Variants in SGK3 observed in about 807,000 individuals in gnomAD.
SGK3 encodes the protein serum/glucocorticoid regulated kinase family member 3.
SGK3 carries 47 observed loss-of-function variants against 68.5 expected under a neutral mutation model. The observed-to-expected ratio is 0.69, with a 90% CI of 0.54 to 0.87. The LOEUF is 0.87. Ranked by LOEUF, SGK3 falls within the 40% of genes least tolerant of loss-of-function variation. SGK3 has a pLI of 0.00. For synonymous variants in SGK3, 181 were observed against 189.1 expected, an observed-to-expected ratio of 0.96 and a Z score of 0.35; for missense variants, 479 against 575.5, an observed-to-expected ratio of 0.83 and a Z score of 1.72.
chr8:66,798,457 T>C, intron 2 of SGK3, 85 bp from the exon 3 acceptor site: 2 of 1,199,554 alleles, frequency 1.7e-6, no homozygotes, highest in Non-Finnish European at 2.3e-6. Context: ...AAAAAAAAAA[T>C]TAAAACAGGT....
chr8:66,794,035 T>C (rs1169032832), intron 2 of SGK3, among the ~76,000 whole-genome samples: 1 of 152,226 alleles, frequency 6.6e-6, no homozygotes, highest in Non-Finnish European at 1.5e-5. Flanking sequence ...TCTCTTTACT[T>C]ATCTTCTTGG....
At chr8:66,763,056 C>T (rs765933218) in intron 1 of SGK3, among the ~76,000 whole-genome samples, 18 of 152,214 alleles carry the variant, frequency 1.2e-4, no homozygotes, top group Non-Finnish European at 2.5e-4. Context: ...TTAATTAATT[C>T]ATTGCAAAAT....
intron 1 of SGK3, among the ~76,000 whole-genome samples, chr8:66,741,482 G>A (rs529197814): frequency 6.6e-6 from 1 of 152,188 alleles, no homozygotes; most frequent in South Asian, 2.1e-4. Context: ...CCTGGGAGGT[G>A]GAGGTTGCAG....
At chr8:66,765,158 CA>C (rs1315481338) in intron 1 of SGK3, among the ~76,000 whole-genome samples, 1 of 152,228 alleles carries the variant, frequency 6.6e-6, no homozygotes, top group Non-Finnish European at 1.5e-5. Context: ...ACAGCAGCCA[CA>C]CCATTTTACA....
intron 1 of SGK3, among the ~76,000 whole-genome samples, chr8:66,749,937 G>GTA (rs1316423134): frequency 7.7e-6 from 1 of 129,124 alleles, no homozygotes; most frequent in Non-Finnish European, 1.7e-5. Context: ...TCTAGGGTGT[G>GTA]TGTGTGTGTG....
At position 66,836,008 on chromosome 8, in the gene SGK3, A is replaced by G; in HGVS notation, c.675A>G (p.Gly225=). The G allele has an allele frequency of 5.6e-6, 9 of 1,613,804 alleles. No individual in the cohort carries two copies. Among genetic ancestry groups the G allele is most frequent in the Non-Finnish European group, 6.8e-6 (8 of 1,179,880 alleles). ...ATGTGAAACATCCGTTTTTGGTTGG[A>G]TTGCATTATTCCTTCCAAACAACTG... is the stretch of plus-strand genomic sequence containing the variant. ...LKNVKHPFLV[G]LHYSFQTTEK... The change falls in exon 10 of 17, where the codon GGA becomes GGG. Residue 225 remains glycine, a synonymous_variant. Transcript: ENST00000521198.
chr8:66,831,804 A>G (rs953547217), intron 8 of SGK3, among the ~76,000 whole-genome samples: 5 of 152,240 alleles, frequency 3.3e-5, no homozygotes, highest in East Asian at 1.9e-4. Context: ...CTCAAATTCT[A>G]TAATAAAGTT....
chr8:66,777,791 T>C (rs551404260), intron 1 of SGK3, among the ~76,000 whole-genome samples: 30 of 152,226 alleles, frequency 2.0e-4, no homozygotes, highest in Admixed American at 3.3e-4. Flanking sequence ...ACAGTCTGTA[T>C]CTCCTATAGA....
At chr8:66,723,117 A>T (rs1435221706) in intron 1 of SGK3, among the ~76,000 whole-genome samples, 1 of 49,756 alleles carries the variant, frequency 2.0e-5, no homozygotes, top group African/African-American at 9.0e-5. Flanking sequence ...ATATATATAT[A>T]TATATATATA....
At chr8:66,714,502 GC>G (rs1286626967) in intron 1 of SGK3, among the ~76,000 whole-genome samples, 2 of 152,184 alleles carry the variant, frequency 1.3e-5, no homozygotes, top group East Asian at 3.9e-4. Context: ...CCCTTTCTGT[GC>G]CCCCCTCCCT....
chr8:66,761,237 T>G (rs555177781), intron 1 of SGK3, among the ~76,000 whole-genome samples: 30 of 152,264 alleles, frequency 2.0e-4, no homozygotes, highest in African/African-American at 5.5e-4. Flanking sequence ...TTCAGCCTCC[T>G]GAACAGCTGG....
chr8:66,756,410 G>A (rs1277770259), intron 1 of SGK3, among the ~76,000 whole-genome samples: 2 of 152,024 alleles, frequency 1.3e-5, no homozygotes, highest in African/African-American at 4.8e-5. Context: ...AGGGTTATGT[G>A]GGCTGGTTTA....
In SGK3 at chr8:66,828,780, A is replaced by G. The variant is rs1187547562; in HGVS notation, c.467+77A>G. 3.9e-6 allele frequency: 6 copies of G among 1,532,026 alleles called. No homozygotes were observed. The South Asian group carries it at 6.7e-5, about 17-fold the overall frequency. The allele number at this position is 1,532,026 out of a possible 1,614,324, so 94.9% of individuals were successfully genotyped here. A position where few individuals can be genotyped will look rare whatever the true frequency, so the allele number is the denominator to read the frequency against. On this transcript the variant is annotated intron_variant, in intron 7 of 16. Coordinates refer to ENST00000521198, the MANE Select transcript of SGK3 (RefSeq NM_001033578.3). The stretch of plus-strand genomic sequence containing the variant: ...TTTTTGAGCGTATGCAGATATGTAT[A>G]ATTACACTAATTTAACTGTAGGCCT...
Position 66,773,358 on chromosome 8 carries a change from A to G in SGK3, c.-121-20258A>G, listed in dbSNP as rs183217120. ...TGACCAAACGTGAGGACTGAGAGGG[A>G]AGAGTCAAAGGTTTTGAGTTAGGGC... On this transcript the variant is annotated intron_variant, in intron 1 of 16. Transcript: ENST00000521198. Among the ~76,000 whole-genome samples the G allele has an allele frequency of 5.4e-3, 815 of 152,272 alleles. 11 individuals carry two copies. The highest frequency in any genetic ancestry group is 0.018 in the African/African-American group (733 of 41,556).
chr8:66,786,650 G>T (rs533596792), intron 1 of SGK3, among the ~76,000 whole-genome samples: 1 of 152,226 alleles, frequency 6.6e-6, no homozygotes, highest in South Asian at 2.1e-4. Flanking sequence ...ACCGCTTTAT[G>T]TTTTTCTTCA....
intron 1 of SGK3, among the ~76,000 whole-genome samples, chr8:66,774,717 A>G (rs958945530): frequency 2.0e-5 from 3 of 152,056 alleles, no homozygotes; most frequent in Non-Finnish European, 4.4e-5. Flanking sequence ...CGACTCCCCA[A>G]TTTTTGAAGT....
chr8:66,813,885 G>A lies in SGK3; in HGVS notation c.286G>A (p.Glu96Lys), dbSNP rs772372105. 6.9e-5 allele frequency: 109 copies of A among 1,588,062 alleles called. No homozygotes were observed. Among genetic ancestry groups the A allele is most frequent in the Admixed American group, 3.2e-4 (18 of 56,052 alleles). The stretch of plus-strand genomic sequence containing the variant: ...TAAACAAAGACGAGCAGGACTAAAC[G>A]AATTCATTCAGAACCTAGTTAGGTA... ...FIKQRRAGLN[E>K]FIQNLVRYPE... Residue 96 changes from glutamate (E) to lysine (K), a missense_variant, in exon 5 of 17, where the codon GAA (glutamate) becomes AAA (lysine). Around this residue, in one of 3 missense-constraint regions of SGK3, gnomAD observed 298 missense variants for 329.4 expected, o/e 0.90. Transcript: ENST00000521198.
rs558644867 is a variant in SGK3, at chr8:66,772,661, C to T, written c.-121-20955C>T. The stretch of plus-strand genomic sequence containing the variant: ...CTGCAAGCTCTGCCTCCCGGGTTCA[C>T]GCCATTCTCCTGCCTCAGCCTCCTG... On this transcript the variant is annotated intron_variant, in intron 1 of 16. Transcript: ENST00000521198. Among the ~76,000 whole-genome samples, 10 of 151,328 alleles carry T rather than the reference C, an allele frequency of 6.6e-5. No individual in the cohort carries two copies. The South Asian group carries it at 1.7e-3, about 25-fold the overall frequency.
At chr8:66,787,431 G>C (rs776956177) in intron 1 of SGK3, among the ~76,000 whole-genome samples, 1 of 152,230 alleles carries the variant, frequency 6.6e-6, no homozygotes, top group Non-Finnish European at 1.5e-5. Flanking sequence ...TCTTGCTTCT[G>C]TGAAGACAGA....
Sources: gnomAD v4.1 joint callset for allele counts (sites outside exome capture counted in the v4.1 genomes callset) on GRCh38, gnomAD v4.1.1 for gene constraint, gnomAD v4.1.1 regional missense constraint, MANE v1.5 for transcripts, NCBI Gene and HGNC (gene_info 2026-07-23, HGNC 2026-07-21) for gene names.